MPRIP: variants seen among roughly 807,000 people sequenced by gnomAD.
The protein encoded by MPRIP is myosin phosphatase Rho interacting protein.
In MPRIP, 59 loss-of-function variants were observed where a neutral mutation model predicts 234.9. The ratio of observed to expected loss-of-function variants is 0.25; its 90% confidence interval spans 0.20 to 0.31. The LOEUF is 0.31. Ranked by LOEUF, MPRIP falls within the 10% of genes least tolerant of loss-of-function variation. The pLI, the probability that MPRIP is intolerant of heterozygous loss-of-function variation, is 1.00. For synonymous variants in MPRIP, 1,144 were observed against 1,263.9 expected, an observed-to-expected ratio of 0.91 and a Z score of 2.01; for missense variants, 2,436 against 3,071.0, an observed-to-expected ratio of 0.79 and a Z score of 4.89.
rs118099303 is a variant in MPRIP, at chr17:17,096,419, G to C, written c.267+18343G>C. Among the ~76,000 whole-genome samples, 148 of 151,890 alleles carry C rather than the reference G, an allele frequency of 9.7e-4. 6 individuals are homozygous for C. In the East Asian group the frequency reaches 0.028, roughly 29 times the overall value. On this transcript the variant is annotated intron_variant, in intron 3 of 23. Coordinates refer to ENST00000651222, the MANE Select transcript of MPRIP (RefSeq NM_001364716.4). ...GCATTAAATGTACCATCTATAATTT[G>C]CTCCAGTACCTTGGAGAAAATTTTA...
At chr17:17,061,950 A>G (rs2088880168) in intron 1 of MPRIP, among the ~76,000 whole-genome samples, 1 of 151,938 alleles carries the variant, frequency 6.6e-6, no homozygotes, top group African/African-American at 2.4e-5. Context: ...TACCTAGGGT[A>G]TGCTTGTGTC....
chr17:17,081,764 C>T (rs528214847), intron 3 of MPRIP, among the ~76,000 whole-genome samples: 1 of 152,290 alleles, frequency 6.6e-6, no homozygotes, highest in East Asian at 1.9e-4. Flanking sequence ...TCCAGGCAGC[C>T]CTGAGATGGG....
chr17:17,178,746 C>T (rs914246784), intron 22 of MPRIP: 8 of 151,536 alleles, frequency 5.3e-5, no homozygotes, highest in Admixed American at 3.9e-4. Context: ...AAAACCCTGT[C>T]TCTACAAAAA....
intron 14 of MPRIP, among the ~76,000 whole-genome samples, chr17:17,159,493 G>A (rs944301533): frequency 2.0e-5 from 3 of 152,224 alleles, no homozygotes; most frequent in Non-Finnish European, 2.9e-5. Flanking sequence ...CCTAGGTCAT[G>A]AGGATATGAA....
intron 10 of MPRIP, among the ~76,000 whole-genome samples, chr17:17,146,336 A>G (rs2045465500): frequency 6.6e-6 from 1 of 152,214 alleles, no homozygotes; most frequent in Admixed American, 6.5e-5. Flanking sequence ...GCTGATGGCA[A>G]GCGGGTGTTG....
chr17:17,142,524 G>T, intron 7 of MPRIP, 103 bp from the exon 8 acceptor site: 1 of 1,387,224 alleles, frequency 7.2e-7, no homozygotes, highest in Middle Eastern at 2.6e-4. Flanking sequence ...GCAAGCCTGA[G>T]GGGAATCAGG....
At chr17:17,060,197 C>T (rs1275062859) in intron 1 of MPRIP, among the ~76,000 whole-genome samples, 4 of 152,192 alleles carry the variant, frequency 2.6e-5, no homozygotes, top group African/African-American at 9.7e-5. Flanking sequence ...AGGGCTCTTC[C>T]TTCCATGTGT....
At chr17:17,050,373 G>T (rs2088500320) in intron 1 of MPRIP, among the ~76,000 whole-genome samples, 1 of 149,876 alleles carries the variant, frequency 6.7e-6, no homozygotes, top group Admixed American at 6.6e-5. Flanking sequence ...TATTTAACCA[G>T]ATATATCCAA....
At chr17:17,094,628 T>G (rs2089798797) in intron 3 of MPRIP, among the ~76,000 whole-genome samples, 1 of 151,738 alleles carries the variant, frequency 6.6e-6, no homozygotes, top group Non-Finnish European at 1.5e-5. Flanking sequence ...TGTCTTTTTT[T>G]TTTTTTTTAA....
At chr17:17,152,676 G>A (rs1307421133) in intron 12 of MPRIP, among the ~76,000 whole-genome samples, 1 of 152,244 alleles carries the variant, frequency 6.6e-6, no homozygotes, top group Non-Finnish European at 1.5e-5. Flanking sequence ...GAGTCAGGTT[G>A]GCGCTGGTCC....
At chr17:17,105,745 T>G (rs1660687135) in intron 3 of MPRIP, among the ~76,000 whole-genome samples, 1 of 152,190 alleles carries the variant, frequency 6.6e-6, no homozygotes. Context: ...GGGGGTCTGA[T>G]TTGGGCCCTA....
chr17:17,099,444 C>G (rs1458343862), intron 3 of MPRIP, among the ~76,000 whole-genome samples: 3 of 152,164 alleles, frequency 2.0e-5, no homozygotes, highest in African/African-American at 7.2e-5. Flanking sequence ...TGAAGCAAAC[C>G]TGTAGCTAAA....
intron 5 of MPRIP, among the ~76,000 whole-genome samples, chr17:17,134,842 T>G (rs2090663273): frequency 6.6e-6 from 1 of 152,370 alleles, no homozygotes; most frequent in East Asian, 1.9e-4. Flanking sequence ...ACTGGATGTA[T>G]GGATCCCAGC....
In MPRIP at chr17:17,140,843, C is replaced by A. The variant is rs1037060690; in HGVS notation, c.1251-1784C>A. On this transcript the variant is annotated intron_variant, in intron 7 of 23. Coordinates refer to ENST00000651222, the MANE Select transcript of MPRIP (RefSeq NM_001364716.4). Reference sequence around the variant, plus strand: ...GACAGCTCCCCATGTAGCCCTAACCCCCCTGCCCTCAGCACAGCGGTTAGT... The same window carrying A: ...GACAGCTCCCCATGTAGCCCTAACCACCCTGCCCTCAGCACAGCGGTTAGT... Among the ~76,000 whole-genome samples, 31 of 152,302 alleles carry A rather than the reference C, an allele frequency of 2.0e-4. No homozygotes were observed. In the South Asian group the frequency reaches 5.8e-3, roughly 28 times the overall value.
intron 3 of MPRIP, among the ~76,000 whole-genome samples, chr17:17,103,377 G>A (rs2090001483): frequency 6.6e-6 from 1 of 152,242 alleles, no homozygotes; most frequent in South Asian, 2.1e-4. Flanking sequence ...GCAGCCGTGA[G>A]GGTATCTTGC....
At chr17:17,058,113 G>T (rs1429980663) in intron 1 of MPRIP, among the ~76,000 whole-genome samples, 2 of 152,182 alleles carry the variant, frequency 1.3e-5, no homozygotes, top group Non-Finnish European at 2.9e-5. Context: ...ACCAGTGCTG[G>T]TCGAGCTGTT....
rs1007190784 is a variant in MPRIP, at chr17:17,185,091, G to A, written c.*197G>A. On this transcript the variant is annotated 3_prime_UTR_variant, in exon 24 of 24. Coordinates refer to ENST00000651222, the MANE Select transcript of MPRIP (RefSeq NM_001364716.4). ...CTCTCTGCTGTGTTGACTTCCTGTTGTCTTCATCAAAGCTTTTTTCCGTGG... is the reference window on the plus strand; with the variant it reads ...CTCTCTGCTGTGTTGACTTCCTGTTATCTTCATCAAAGCTTTTTTCCGTGG... The A allele has an allele frequency of 6.5e-6, 3 of 461,998 alleles. No homozygotes were observed. The highest frequency in any genetic ancestry group is 1.2e-5 in the Non-Finnish European group (3 of 247,798). The allele number at this position is 461,998 out of a possible 1,614,324, so 28.6% of individuals were successfully genotyped here. A position where few individuals can be genotyped will look rare whatever the true frequency, so the allele number is the denominator to read the frequency against.
rs372097335 is a variant in MPRIP, at chr17:17,171,852, G to A, written c.6459G>A (p.Ala2153=). Residue 2153 remains alanine, a synonymous_variant, in exon 17 of 24, where the codon GCG becomes GCA. Transcript: ENST00000651222. Reference sequence around the variant, plus strand: ...ACCGCCTCCTAGCCGAGGAGACAGCGGCCACCATCTCAGGTTGGGGGGTGG... The same window carrying A: ...ACCGCCTCCTAGCCGAGGAGACAGCAGCCACCATCTCAGGTTGGGGGGTGG... The part of the protein sequence containing the change: ...EKDRLLAEET[A]ATISAIEAMK... 72 of 1,610,162 alleles carry A rather than the reference G, an allele frequency of 4.5e-5. No homozygotes were observed. The highest frequency in any genetic ancestry group is 5.6e-5 in the Non-Finnish European group (66 of 1,179,692).
chr17:17,150,301 T>C, intron 12 of MPRIP, 68 bp downstream of exon 12: 1 of 1,248,284 alleles, frequency 8.0e-7, no homozygotes, highest in Non-Finnish European at 1.2e-6. Context: ...GTGCCTAATG[T>C]CTGGGCTGGG....
Sources: gnomAD v4.1 joint callset for allele counts (sites outside exome capture counted in the v4.1 genomes callset) on GRCh38, gnomAD v4.1.1 for gene constraint, MANE v1.5 for transcripts, NCBI Gene and HGNC (gene_info 2026-07-23, HGNC 2026-07-21) for gene names.